STYXL1: variants seen among roughly 807,000 people sequenced by gnomAD.
The protein encoded by STYXL1 is serine/threonine/tyrosine-interacting-like protein 1.
In STYXL1, 32 loss-of-function variants were observed where a neutral mutation model predicts 36.4. The ratio of observed to expected loss-of-function variants is 0.88; its 90% CI spans 0.66 to 1.18. The LOEUF (loss-of-function observed/expected upper bound fraction) is 1.18. STYXL1 is among the 50% of genes most tolerant of loss of function. STYXL1 has a pLI of 0.00. For missense variants in STYXL1, 354 were observed against 394.1 expected (o/e 0.90, Z 0.86); for synonymous variants, 133 against 144.1 (o/e 0.92, Z 0.55).
At position 76,021,943 on chromosome 7, in the gene STYXL1, T is replaced by C. The variant is rs1794127042; in HGVS notation, c.215A>G (p.Lys72Arg). The C allele has an allele frequency of 6.2e-7, 1 of 1,613,386 alleles. No individual in the cohort carries two copies. The highest frequency in any genetic ancestry group is 2.2e-5 in the East Asian group (1 of 44,870). ...GTTGTTATCATACACCACGCAGTAC[T>C]TCACACACTCCAGGTCCACAGACTC... Reference protein sequence around the residue: ...LPESVDLECVKYCVVYDNNSS... With the variant: ...LPESVDLECVRYCVVYDNNSS... The change falls in exon 4 of 9, where the codon AAG (lysine) becomes AGG (arginine). Residue 72 changes from lysine to arginine, a missense_variant. Lys to Arg is a conservative substitution (Grantham distance 26, BLOSUM62 2). Coordinates refer to ENST00000359697, the MANE Select transcript of STYXL1 (RefSeq NM_001317785.2).
intron 8 of STYXL1, among the ~76,000 whole-genome samples, chr7:75,999,511 A>ATGTGTGTGTGTGTGTGTGTGTGTGTG (rs71301271): frequency 1.6e-4 from 15 of 95,970 alleles, no homozygotes; most frequent in Non-Finnish European, 2.4e-4. Flanking sequence ...GTGTGTGTGT[A>ATGTGTGTGTGTGTGTGTGTGTGTGTG]TGTGTGTGTG....
intron 4 of STYXL1, among the ~76,000 whole-genome samples, chr7:76,020,077 T>A (rs1458567968): frequency 6.6e-6 from 1 of 152,128 alleles, no homozygotes; most frequent in Non-Finnish European, 1.5e-5. Context: ...TGTGGTTTCC[T>A]GTGAATGGGG....
chr7:76,028,047 A>AT (rs1314834938), intron 3 of STYXL1, among the ~76,000 whole-genome samples: 2 of 151,830 alleles, frequency 1.3e-5, no homozygotes, highest in African/African-American at 4.8e-5. Context: ...ATATATATAT[A>AT]TTTTTTAGAC....
At chr7:76,033,154 A>T (rs1554579825) in intron 1 of STYXL1, among the ~76,000 whole-genome samples, 2 of 151,888 alleles carry the variant, frequency 1.3e-5, no homozygotes, top group African/African-American at 4.8e-5. Flanking sequence ...CTTTTATTTT[A>T]TTTATTTTTG....
At chr7:76,007,442 G>A (rs1356448219) in intron 5 of STYXL1, among the ~76,000 whole-genome samples, 1 of 151,990 alleles carries the variant, frequency 6.6e-6, no homozygotes, top group Non-Finnish European at 1.5e-5. Flanking sequence ...TAAAGTATAC[G>A]AGACGATACG....
intron 3 of STYXL1, among the ~76,000 whole-genome samples, chr7:76,023,317 T>A (rs1180757115): frequency 6.6e-6 from 1 of 152,030 alleles, no homozygotes; most frequent in African/African-American, 2.4e-5. Context: ...TCTGATTGGC[T>A]CAGCTTTCAT....
intron 1 of STYXL1, among the ~76,000 whole-genome samples, chr7:76,031,907 A>T (rs1795373252): frequency 6.6e-6 from 1 of 152,198 alleles, no homozygotes; most frequent in Non-Finnish European, 1.5e-5. Context: ...ACCTGCCTTC[A>T]TGAAGGTTAT....
Position 75,999,551 on chromosome 7 carries a change from G to GTA in STYXL1, c.810+1337_810+1338dup, listed in dbSNP as rs1554565731. ...TGTGTGTGTGTGTGTGTGTGTGTGTGTATATTTTTTTTTGAGACAGAGTTT... is the reference window on the plus strand; with the variant it reads ...TGTGTGTGTGTGTGTGTGTGTGTGTGTATATATTTTTTTTTGAGACAGAGTTT... On this transcript the variant is annotated intron_variant, in intron 8 of 8. Coordinates refer to ENST00000359697, the MANE Select transcript of STYXL1 (RefSeq NM_001317785.2). Among the ~76,000 whole-genome samples the GTA allele has an allele frequency of 6.3e-3, 505 of 80,132 alleles. 3 individuals carry two copies. Among genetic ancestry groups the GTA allele is most frequent in the African/African-American group, 0.02 (475 of 24,246 alleles). 52.6% of individuals were successfully genotyped at this position (80,132 alleles called of 152,430 possible).
chr7:76,047,091 C>T (rs1797221637), intron 1 of STYXL1, among the ~76,000 whole-genome samples: 2 of 20,078 alleles, frequency 1.0e-4, no homozygotes, highest in Admixed American at 7.6e-4. Flanking sequence ...GAAACCCCGT[C>T]TCTACTAAAA....
intron 3 of STYXL1, among the ~76,000 whole-genome samples, chr7:76,024,707 T>G (rs1794469318): frequency 6.6e-6 from 1 of 151,870 alleles, no homozygotes; most frequent in African/African-American, 2.4e-5. Flanking sequence ...TCCCAGCACT[T>G]TGGGAGGCCA....
intron 3 of STYXL1, among the ~76,000 whole-genome samples, chr7:76,025,396 A>G (rs1461004140): frequency 6.6e-6 from 1 of 152,154 alleles, no homozygotes; most frequent in African/African-American, 2.4e-5. Flanking sequence ...TGCCAGAATC[A>G]AAGAAATGCA....
At chr7:76,039,356 G>A (rs1282767348) in intron 1 of STYXL1, among the ~76,000 whole-genome samples, 2 of 151,888 alleles carry the variant, frequency 1.3e-5, no homozygotes, top group South Asian at 2.1e-4. Context: ...GATTACAGGC[G>A]TGAGCCACTG....
At chr7:76,015,142 A>C (rs922927441) in intron 4 of STYXL1, among the ~76,000 whole-genome samples, 3 of 152,126 alleles carry the variant, frequency 2.0e-5, no homozygotes, top group African/African-American at 7.2e-5. Context: ...TCCAGCTACT[A>C]GAGAGGCTGA....
intron 5 of STYXL1, among the ~76,000 whole-genome samples, chr7:76,012,462 C>T (rs1388075463): frequency 2.0e-5 from 3 of 151,416 alleles, no homozygotes; most frequent in Admixed American, 1.3e-4. Context: ...GGTGTGATCT[C>T]GGCTCCCTGC....
chr7:76,027,636 C>A (rs1402086092), intron 3 of STYXL1, among the ~76,000 whole-genome samples: 1 of 150,330 alleles, frequency 6.7e-6, no homozygotes, highest in Non-Finnish European at 1.5e-5. Flanking sequence ...CATAAAGCTC[C>A]AAAAATAAAG....
chr7:76,034,831 G>A (rs1196080923), intron 1 of STYXL1, among the ~76,000 whole-genome samples: 2 of 152,128 alleles, frequency 1.3e-5, no homozygotes, highest in African/African-American at 4.8e-5. Context: ...CGTAGCTGAG[G>A]ACCAACACTC....
chr7:76,013,266 C>T (rs1009411927), intron 5 of STYXL1, among the ~76,000 whole-genome samples: 8 of 144,034 alleles, frequency 5.6e-5, no homozygotes, highest in Admixed American at 3.6e-4. Context: ...GCAGAGCTTG[C>T]AGTGAGCCAA....
rs543332600 is a variant in STYXL1, at chr7:76,001,309, T to C, written c.698-307A>G. 3.9e-5 allele frequency among the ~76,000 whole-genome samples: 6 copies of C among 152,334 alleles called. No individual in the cohort carries two copies. In the South Asian group the frequency reaches 6.2e-4, roughly 16 times the overall value. On this transcript the variant is annotated intron_variant, in intron 7 of 8. Transcript: ENST00000359697. ...TCTGCTACCAACTGGCCTCCCAGTA[T>C]GGGGCGGACAGGACCATCGTCATCC...
chr7:76,023,938 G>A (rs1489313427), intron 3 of STYXL1, among the ~76,000 whole-genome samples: 6 of 152,092 alleles, frequency 3.9e-5, no homozygotes, highest in Admixed American at 6.5e-5. Flanking sequence ...GCTTGAACCC[G>A]GGAGGCAGAG....
Sources: allele counts gnomAD v4.1 joint callset (sites outside exome capture counted in the v4.1 genomes callset), GRCh38; gene constraint gnomAD v4.1.1; transcripts MANE v1.5; gene names NCBI Gene and HGNC (gene_info 2026-07-23, HGNC 2026-07-21).